Variants in PDE4D observed in about 807,000 individuals in gnomAD.
PDE4D encodes the protein phosphodiesterase 4D.
In PDE4D, 24 loss-of-function variants were observed where a neutral mutation model predicts 87.4. The ratio of observed to expected loss-of-function variants is 0.27; its 90% CI spans 0.20 to 0.39. PDE4D has a LOEUF of 0.39. Among genes scored for constraint, PDE4D ranks in the 10% least tolerant of loss-of-function variants. The pLI, the probability that PDE4D is intolerant of heterozygous loss-of-function variation, is 1.00. For synonymous variants in PDE4D, 384 were observed against 383.2 expected (o/e 1.00, Z -0.02); for missense variants, 714 against 1,041.0 (o/e 0.69, Z 4.32).
chr5:59,174,127 T>C (rs1020369241), intron 5 of PDE4D, among the ~76,000 whole-genome samples: 8 of 152,196 alleles, frequency 5.3e-5, no homozygotes, highest in African/African-American at 1.2e-4. Flanking sequence ...TTATTGTTTT[T>C]CCCCCTTATT....
At chr5:58,987,903 G>A (rs6859693) in intron 11 of PDE4D, among the ~76,000 whole-genome samples, 2,596 of 152,272 alleles carry the variant, frequency 0.017, 69 homozygotes, top group African/African-American at 0.059. Flanking sequence ...GTGCGGCAAT[G>A]TCAGAGATGC....
At chr5:59,877,637 G>A (rs977493055) in intron 1 of PDE4D, among the ~76,000 whole-genome samples, 7 of 151,668 alleles carry the variant, frequency 4.6e-5, no homozygotes, top group South Asian at 2.1e-4. Flanking sequence ...CCTCATCTCC[G>A]GAAACTTCAT....
At chr5:60,492,118 T>C (rs1749564899), upstream of PDE4D, among the ~76,000 whole-genome samples, 1 of 145,142 alleles carries the variant, frequency 6.9e-6, no homozygotes, top group Admixed American at 6.8e-5. Context: ...AAACTTAAAG[T>C]ATAATTAAAA....
chr5:60,108,389 G>A (rs1777281782), intron 2 of PDE4D, among the ~76,000 whole-genome samples: 2 of 152,178 alleles, frequency 1.3e-5, no homozygotes, highest in South Asian at 4.1e-4. Flanking sequence ...AACATTCCAT[G>A]TTCATGGGTC....
intron 1 of PDE4D, among the ~76,000 whole-genome samples, chr5:59,882,129 C>G (rs1197059198): frequency 6.6e-6 from 1 of 152,158 alleles, no homozygotes; most frequent in Admixed American, 6.5e-5. Context: ...TTTCTTAGAA[C>G]CATATTCTAC....
rs1459798303 is a variant in PDE4D at position 60,372,651 on chromosome 5, A to G, written c.-90+115291T>C. 2.0e-5 allele frequency: 3 copies of G among 151,992 alleles called. No homozygotes were observed. In the East Asian group the frequency reaches 5.8e-4, roughly 29 times the overall value. 9.4% of individuals were successfully genotyped at this position (151,992 alleles called of 1,614,324 possible). On this transcript the variant is annotated intron_variant, in intron 1 of 16. Coordinates refer to the PDE4D transcript ENST00000502484. ...GGAAGCATTGTTCCTCTTCTCTAAA[A>G]CCTGTAATCACTGAGAAAATGTGTT... is the stretch of plus-strand genomic sequence containing the variant.
rs148131824 is a variant in PDE4D, at chr5:60,441,239, A to G, written c.-90+46703T>C. On this transcript the variant is annotated intron_variant, in intron 1 of 16. Coordinates refer to the PDE4D transcript ENST00000502484. ...TAGCACGGTACTGGCACCAAAACAG[A>G]TATATAGACCAATGGAACAGAACAG... is the stretch of plus-strand genomic sequence containing the variant. 8.8e-3 allele frequency among the ~76,000 whole-genome samples: 1,343 copies of G among 152,232 alleles called. 18 individuals carry two copies. The highest frequency in any genetic ancestry group is 0.031 in the African/African-American group (1,270 of 41,518).
chr5:59,356,768 TTGAGAAACGCAATC>T (rs769930268), intron 1 of PDE4D: 6 of 1,572,638 alleles, frequency 3.8e-6, no homozygotes, highest in Non-Finnish European at 4.3e-6. Flanking sequence ...CTGTAGGACT[TTGAGAAACGCAATC>T]TTGATTTGGC....
intron 1 of PDE4D, among the ~76,000 whole-genome samples, chr5:59,755,342 T>C (rs1360686409): frequency 2.0e-5 from 3 of 152,188 alleles, no homozygotes; most frequent in African/African-American, 7.2e-5. Context: ...GCATAATAAA[T>C]GACGCTAGTT....
intron 2 of PDE4D, among the ~76,000 whole-genome samples, chr5:60,012,479 A>T (rs1256092231): frequency 6.6e-6 from 1 of 152,236 alleles, no homozygotes; most frequent in Non-Finnish European, 1.5e-5. Flanking sequence ...GAGGAAAGAT[A>T]AGATGCTCAG....
chr5:59,066,987 G>GATTT (rs75735314), intron 5 of PDE4D, among the ~76,000 whole-genome samples: 37,993 of 141,040 alleles, frequency 0.27, 5,449 homozygotes, highest in Non-Finnish European at 0.29. Context: ...CCCAGCTCGT[G>GATTT]ATTTATTTAT....
At chr5:59,401,308 G>C (rs1408422787) in intron 1 of PDE4D, among the ~76,000 whole-genome samples, 3 of 151,886 alleles carry the variant, frequency 2.0e-5, no homozygotes, top group African/African-American at 7.3e-5. Context: ...AGCTGGACAT[G>C]GTGGTGCACA....
intron 1 of PDE4D, among the ~76,000 whole-genome samples, chr5:60,314,475 GATTTT>G (rs1562314415): frequency 6.6e-6 from 1 of 151,882 alleles, no homozygotes; most frequent in Non-Finnish European, 1.5e-5. Flanking sequence ...CGGACAGTAT[GATTTT>G]ATTTTATTTT....
intron 1 of PDE4D, among the ~76,000 whole-genome samples, chr5:60,380,767 G>T (rs758070348): frequency 2.6e-5 from 4 of 152,164 alleles, no homozygotes; most frequent in Non-Finnish European, 5.9e-5. Context: ...ATAGAAAAGG[G>T]CAGAGATAAT....
intron 9 of PDE4D, among the ~76,000 whole-genome samples, chr5:58,990,289 A>C (rs1335857868): frequency 6.6e-6 from 1 of 152,196 alleles, no homozygotes; most frequent in African/African-American, 2.4e-5. Context: ...CTAGGGCTGA[A>C]GTTTCCCATT....
chr5:59,360,892 G>A (rs1782101717), intron 1 of PDE4D, among the ~76,000 whole-genome samples: 1 of 152,072 alleles, frequency 6.6e-6, no homozygotes, highest in South Asian at 2.1e-4. Flanking sequence ...ACTCATATAT[G>A]ACCCAGGACA....
At chr5:59,029,791 T>C (rs927463742) in intron 6 of PDE4D, among the ~76,000 whole-genome samples, 3 of 152,098 alleles carry the variant, frequency 2.0e-5, no homozygotes, top group East Asian at 1.9e-4. Context: ...TCAAAATATA[T>C]TATAAAGCTA....
At position 60,183,817 on chromosome 5, in the gene PDE4D, A is replaced by G. The variant is rs531777695; in HGVS notation, c.42+1740T>C. Among the ~76,000 whole-genome samples, 3 of 152,350 alleles carry G rather than the reference A, an allele frequency of 2.0e-5. No individual in the cohort carries two copies. The South Asian group carries it at 6.2e-4, about 32-fold the overall frequency. Reference sequence around the variant, plus strand: ...GTAAGCGTTGGAGGGTTATATGCTCAGACCAGAGCAAAATAAAATTTTATA... The same window carrying G: ...GTAAGCGTTGGAGGGTTATATGCTCGGACCAGAGCAAAATAAAATTTTATA... On this transcript the variant is annotated intron_variant, in intron 2 of 16. Coordinates refer to the PDE4D transcript ENST00000502484.
chr5:59,854,081 T>C (rs948674335), intron 1 of PDE4D, among the ~76,000 whole-genome samples: 4 of 152,066 alleles, frequency 2.6e-5, no homozygotes, highest in Non-Finnish European at 4.4e-5. Flanking sequence ...TTCATAGTGA[T>C]AGATATAGCC....
Sources: gnomAD v4.1 joint callset for allele counts (sites outside exome capture counted in the v4.1 genomes callset) on GRCh38, gnomAD v4.1.1 for gene constraint, MANE v1.5 for transcripts, NCBI Gene and HGNC (gene_info 2026-07-23, HGNC 2026-07-21) for gene names.